The following PCDHA3 variants were observed in gnomAD, a reference collection of about 807,000 sequenced individuals.
PCDHA3 encodes protocadherin alpha-3.
Under a neutral mutation model 62.2 loss-of-function variants are expected in PCDHA3, and 41 were observed. The ratio of observed to expected loss-of-function variants is 0.66; its 90% CI spans 0.51 to 0.86. The LOEUF is 0.86. Among genes scored for constraint, PCDHA3 ranks in the 40% least tolerant of loss-of-function variants. PCDHA3 has a pLI of 0.00. For missense variants in PCDHA3, 1,304 were observed against 1,241.2 expected, an observed-to-expected ratio of 1.05 and a Z score of -0.76; for synonymous variants, 640 against 555.4, an observed-to-expected ratio of 1.15 and a Z score of -2.14.
intron 1 of PCDHA3, chr5:140,849,822 G>A: frequency 6.3e-7 from 1 of 1,598,624 alleles, no homozygotes; most frequent in East Asian, 2.2e-5. Context: ...CAGGGTGTCT[G>A]TGGAGGTGGC....
intron 3 of PCDHA3, among the ~76,000 whole-genome samples, chr5:141,006,294 C>T (rs2098266534): frequency 6.6e-6 from 1 of 152,048 alleles, no homozygotes; most frequent in African/African-American, 2.4e-5. Flanking sequence ...TCACTGCAAG[C>T]TCCACTTCCC....
intron 1 of PCDHA3, chr5:140,861,477 A>AT (rs2046941356): frequency 1.6e-5 from 8 of 493,206 alleles, no homozygotes; most frequent in South Asian, 1.2e-4. Context: ...GCAGAATGGC[A>AT]TTTTTGTGAG....
At chr5:140,962,947 A>T (rs2153733915) in intron 1 of PCDHA3, among the ~76,000 whole-genome samples, 2 of 152,320 alleles carry the variant, frequency 1.3e-5, no homozygotes, top group Admixed American at 1.3e-4. Context: ...TCCATAAGAT[A>T]TGCTCTATCC....
At chr5:140,838,663 T>C (rs1206585706) in intron 1 of PCDHA3, among the ~76,000 whole-genome samples, 3 of 152,036 alleles carry the variant, frequency 2.0e-5, no homozygotes, top group Admixed American at 1.3e-4. Flanking sequence ...TAACGGGGCA[T>C]GGTGGCACAC....
At chr5:140,827,709 A>G (rs1769373019) in intron 1 of PCDHA3, among the ~76,000 whole-genome samples, 1 of 152,354 alleles carries the variant, frequency 6.6e-6, no homozygotes, top group Non-Finnish European at 1.5e-5. Context: ...TGTTGCAAAT[A>G]TTGGTAGAAA....
chr5:140,823,351 G>C (rs1272348746), intron 1 of PCDHA3: 3 of 1,612,448 alleles, frequency 1.9e-6, no homozygotes, highest in African/African-American at 2.7e-5. Context: ...GGACCACGAG[G>C]AAGTGGAGCT....
intron 1 of PCDHA3, chr5:140,835,368 C>A: frequency 1.2e-6 from 2 of 1,613,924 alleles, no homozygotes; most frequent in African/African-American, 1.3e-5. Flanking sequence ...AGGCTTCCCA[C>A]CCCTGGCTGG....
chr5:140,968,955 A>G, intron 1 of PCDHA3: 2 of 1,614,220 alleles, frequency 1.2e-6, no homozygotes, highest in Non-Finnish European at 1.7e-6. Flanking sequence ...AGCATCATCA[A>G]GTGCTACCGC....
chr5:140,868,184 G>A (rs1216562415), intron 1 of PCDHA3: 3 of 151,962 alleles, frequency 2.0e-5, no homozygotes, highest in African/African-American at 7.2e-5. Context: ...CTCATATTAT[G>A]CTACTATGGC....
intron 1 of PCDHA3, among the ~76,000 whole-genome samples, chr5:140,922,707 A>T (rs1282909188): frequency 4.6e-5 from 7 of 152,240 alleles, no homozygotes; most frequent in African/African-American, 1.4e-4. Context: ...TACAGTCAAG[A>T]ACAAAAAGAA....
intron 3 of PCDHA3, among the ~76,000 whole-genome samples, chr5:140,993,514 A>T (rs1239398977): frequency 6.6e-6 from 1 of 150,498 alleles, no homozygotes; most frequent in East Asian, 1.9e-4. Flanking sequence ...ACACACGGGG[A>T]GAGAGAGACA....
intron 1 of PCDHA3, chr5:140,882,607 T>G (rs1313419888): frequency 6.8e-6 from 11 of 1,614,124 alleles, no homozygotes; most frequent in East Asian, 2.2e-5. Flanking sequence ...TGGACAGGCC[T>G]CTGCAGGTTT....
At chr5:140,884,330 G>T in intron 1 of PCDHA3, 2 of 1,613,876 alleles carry the variant, frequency 1.2e-6, no homozygotes, top group Non-Finnish European at 1.7e-6. Context: ...AGGCGCTGTG[G>T]GTCCAGAAGC....
intron 1 of PCDHA3, chr5:140,967,123 C>A (rs1554229191): frequency 4.3e-6 from 7 of 1,612,606 alleles, no homozygotes; most frequent in African/African-American, 2.7e-5. Context: ...GCTGCCTGCT[C>A]AGCTTGGAAG....
chr5:140,903,987 C>A (rs1324981597), intron 1 of PCDHA3, among the ~76,000 whole-genome samples: 1 of 152,146 alleles, frequency 6.6e-6, no homozygotes, highest in Non-Finnish European at 1.5e-5. Flanking sequence ...CACAATGTAA[C>A]AGCTACAAAT....
At position 140,801,688 on chromosome 5, in the gene PCDHA3, C is replaced by A; in HGVS notation, c.491C>A (p.Thr164Lys). 6.2e-7 allele frequency: 1 copy of A among 1,614,212 alleles called. No homozygotes were observed. The change falls in exon 1 of 4, where the codon ACA becomes AAA. Residue 164 changes from threonine (T) to lysine (K), a missense_variant. Coordinates refer to ENST00000522353, the MANE Select transcript of PCDHA3 (RefSeq NM_018906.3). ...GGCGCATCAGATGCAGATATCGGAA[C>A]AAATTCGTTGTTGACTTACAGTCTT... is the stretch of plus-strand genomic sequence containing the variant. ...LEGASDADIG[T>K]NSLLTYSLDS...
chr5:140,844,973 A>G (rs1229896570), intron 1 of PCDHA3, among the ~76,000 whole-genome samples: 1 of 149,218 alleles, frequency 6.7e-6, no homozygotes, highest in African/African-American at 2.5e-5. Context: ...TGTTATTAGT[A>G]TTGTTTTAAA....
intron 1 of PCDHA3, among the ~76,000 whole-genome samples, chr5:140,978,620 G>A (rs2096812690): frequency 6.6e-6 from 1 of 152,220 alleles, no homozygotes; most frequent in South Asian, 2.1e-4. Context: ...AGCAGTGAAA[G>A]CTTTTCCTTT....
chr5:141,001,269 C>A (rs536985121), intron 3 of PCDHA3, among the ~76,000 whole-genome samples: 2 of 152,152 alleles, frequency 1.3e-5, no homozygotes, highest in East Asian at 3.9e-4. Context: ...CTCTTATGAA[C>A]TTTTTTTACG....
Sources: allele counts gnomAD v4.1 joint callset (sites outside exome capture counted in the v4.1 genomes callset), GRCh38; gene constraint gnomAD v4.1.1; transcripts MANE v1.5; gene names NCBI Gene and HGNC (gene_info 2026-07-23, HGNC 2026-07-21).